The following SYNRG variants were observed in gnomAD, a reference collection of about 807,000 sequenced individuals.
SYNRG encodes the protein synergin gamma, also known as AP1 gamma subunit binding protein 1.
SYNRG carries 37 observed loss-of-function variants against 130.9 expected under a neutral mutation model. That is an observed-to-expected ratio of 0.28 (90% CI 0.22 to 0.37). The LOEUF (loss-of-function observed/expected upper bound fraction) is 0.37, where lower values mean the gene tolerates loss of function less well. SYNRG is among the 10% of genes least tolerant of loss of function. SYNRG has a pLI of 1.00. For missense variants in SYNRG, 1,338 were observed against 1,588.9 expected, an observed-to-expected ratio of 0.84 and a Z score of 2.68; for synonymous variants, 539 against 568.1, an observed-to-expected ratio of 0.95 and a Z score of 0.73.
chr17:37,558,934 G>A (rs750758539), intron 13 of SYNRG, among the ~76,000 whole-genome samples: 14 of 152,118 alleles, frequency 9.2e-5, no homozygotes, highest in Non-Finnish European at 1.8e-4. Flanking sequence ...ATACGAGTTC[G>A]GTTGAGTCCT....
At chr17:37,607,073 T>C (rs1421862528) in intron 1 of SYNRG, among the ~76,000 whole-genome samples, 1 of 152,226 alleles carries the variant, frequency 6.6e-6, no homozygotes, top group African/African-American at 2.4e-5. Context: ...CCTCAGAAAG[T>C]TGCCAATATA....
chr17:37,541,870 T>C (rs947032955), intron 15 of SYNRG, 102 bp downstream of exon 15: 2 of 1,111,444 alleles, frequency 1.8e-6, no homozygotes, highest in Non-Finnish European at 2.6e-6. Flanking sequence ...TAGAACAATC[T>C]ATTTCCTGCG....
rs575360728 is a variant in SYNRG, at chr17:37,587,746, T to C, written c.241-1197A>G. ...CATGGGTAACTCACCTAACACTGTGTGGTCTTCCAGGTCTTTAGCCTCCTC... is the reference window on the plus strand; with the variant it reads ...CATGGGTAACTCACCTAACACTGTGCGGTCTTCCAGGTCTTTAGCCTCCTC... On this transcript the variant is annotated intron_variant, in intron 3 of 21. Transcript: ENST00000612223. 4.6e-5 allele frequency among the ~76,000 whole-genome samples: 7 copies of C among 152,342 alleles called. No homozygotes were observed. In the South Asian group the frequency reaches 1.5e-3, roughly 32 times the overall value.
At chr17:37,569,273 GGTGGCATGTGC>G (rs1337629500) in intron 10 of SYNRG, among the ~76,000 whole-genome samples, 1 of 152,078 alleles carries the variant, frequency 6.6e-6, no homozygotes, top group African/African-American at 2.4e-5. Context: ...AGCTGCGCAT[GGTGGCATGTGC>G]CTGTAGTCCC....
At chr17:37,521,838 G>T (rs1229636572) in intron 19 of SYNRG, among the ~76,000 whole-genome samples, 2 of 152,126 alleles carry the variant, frequency 1.3e-5, no homozygotes, top group African/African-American at 4.8e-5. Flanking sequence ...GATGGGAGAG[G>T]TTGGGGGACC....
At chr17:37,554,558 G>T (rs1294947397) in intron 13 of SYNRG, among the ~76,000 whole-genome samples, 1 of 152,174 alleles carries the variant, frequency 6.6e-6, no homozygotes, top group South Asian at 2.1e-4. Context: ...ACAACACTTG[G>T]TTTAGCCAGG....
chr17:37,575,712 T>C (rs1382232609), intron 8 of SYNRG, among the ~76,000 whole-genome samples: 2 of 151,776 alleles, frequency 1.3e-5, no homozygotes, highest in Non-Finnish European at 2.9e-5. Flanking sequence ...TGTAGTGGCA[T>C]GCGCCTGTAG....
chr17:37,527,245 C>T (rs996768518), intron 19 of SYNRG, among the ~76,000 whole-genome samples: 2 of 152,128 alleles, frequency 1.3e-5, no homozygotes, highest in African/African-American at 2.4e-5. Flanking sequence ...TGGCAAAAAT[C>T]GATTAATTTT....
chr17:37,549,975 A>T (rs1251867943), intron 14 of SYNRG, among the ~76,000 whole-genome samples: 1 of 152,168 alleles, frequency 6.6e-6, no homozygotes, highest in African/African-American at 2.4e-5. Flanking sequence ...TATGCAGATT[A>T]TCAATTTAAA....
intron 14 of SYNRG, among the ~76,000 whole-genome samples, chr17:37,548,170 A>G (rs2058429056): frequency 6.6e-6 from 1 of 152,220 alleles, no homozygotes; most frequent in African/African-American, 2.4e-5. Context: ...TTCCACTGAC[A>G]AAGAAATTCC....
At chr17:37,592,605 C>A (rs2062297682) in intron 3 of SYNRG, among the ~76,000 whole-genome samples, 1 of 152,194 alleles carries the variant, frequency 6.6e-6, no homozygotes. Flanking sequence ...AAAAAATGAA[C>A]TACTGATACA....
rs371099858 is a variant in SYNRG, at chr17:37,600,425, A to G, written c.78-22T>C. 4.8e-5 allele frequency: 77 copies of G among 1,612,454 alleles called. No homozygotes were observed. The African/African-American group carries it at 9.1e-4, about 19-fold the overall frequency. On this transcript the variant is annotated intron_variant, in intron 1 of 21. Transcript: ENST00000612223. ...GAAGCTGAAAACAGAATAAAAATAC[A>G]TTATAATCTTCGTATGTACAAAGAT...
intron 19 of SYNRG, among the ~76,000 whole-genome samples, chr17:37,534,503 G>A (rs2144565183): frequency 6.6e-6 from 1 of 152,186 alleles, no homozygotes; most frequent in Admixed American, 6.5e-5. Flanking sequence ...TGGCATGACA[G>A]GGGTGAGCCA....
chr17:37,596,407 A>G, intron 2 of SYNRG, 63 bp from the exon 3 acceptor site: 1 of 1,584,140 alleles, frequency 6.3e-7, no homozygotes, highest in Non-Finnish European at 8.6e-7. Flanking sequence ...TAAAACCATA[A>G]GTACCTAAAG....
intron 3 of SYNRG, among the ~76,000 whole-genome samples, chr17:37,593,832 C>T (rs972338125): frequency 3.4e-5 from 5 of 148,944 alleles, no homozygotes; most frequent in Admixed American, 6.8e-5. Context: ...TGCAGTGAGC[C>T]GAGATCGTGC....
In SYNRG at chr17:37,557,392, C is replaced by T. The variant is rs148716597; in HGVS notation, c.1664-3333G>A. On this transcript the variant is annotated intron_variant, in intron 13 of 21. Coordinates refer to ENST00000612223, the MANE Select transcript of SYNRG (RefSeq NM_007247.6). ...TTCTTCATAAATTCTAAGATACTAA[C>T]GTACTTTGACGAAGTCAAGCCAATG... Among the ~76,000 whole-genome samples the T allele has an allele frequency of 5.5e-4, 83 of 152,266 alleles. 1 individual carries two copies. Among genetic ancestry groups the T allele is most frequent in the South Asian group, 1.4e-3 (7 of 4,832 alleles).
rs569109793 is a variant in SYNRG at position 37,589,851 on chromosome 17, C to A, written c.241-3302G>T. 7.9e-5 allele frequency among the ~76,000 whole-genome samples: 12 copies of A among 151,096 alleles called. No homozygotes were observed. In the East Asian group the frequency reaches 2.4e-3, roughly 30 times the overall value. ...TCTACCACACACTGATTCTAAAGAA[C>A]AATTCTAGGTAGGTTAGAGACTTAA... On this transcript the variant is annotated intron_variant, in intron 3 of 21. Transcript: ENST00000612223.
chr17:37,604,642 C>G (rs943727613), intron 1 of SYNRG, among the ~76,000 whole-genome samples: 2 of 152,214 alleles, frequency 1.3e-5, no homozygotes, highest in Non-Finnish European at 2.9e-5. Context: ...CCTTCAAGAA[C>G]TTTTCCTCTG....
rs753755536 is a variant in SYNRG, at chr17:37,561,200, G to C, written c.1658C>G (p.Pro553Arg). 1.9e-5 allele frequency: 30 copies of C among 1,612,770 alleles called. No individual in the cohort carries two copies. The South Asian group carries it at 2.9e-4, about 15-fold the overall frequency. ...TTGAGGACTCAAAAACTTACCTAAA[G>C]GTTTATTCTCTGCTGTCTGTTCAAG... ...RELEQTAENK[P>R]LGESFAEFRS... The change falls in exon 13 of 22, where the codon CCT (proline) becomes CGT (arginine). Residue 553 changes from proline (P) to arginine (R), a missense_variant. Coordinates refer to ENST00000612223, the MANE Select transcript of SYNRG (RefSeq NM_007247.6).
Sources: gnomAD v4.1 joint callset for allele counts (sites outside exome capture counted in the v4.1 genomes callset) on GRCh38, gnomAD v4.1.1 for gene constraint, MANE v1.5 for transcripts, NCBI Gene and HGNC (gene_info 2026-07-23, HGNC 2026-07-21) for gene names.